PLCXD3: variants seen among roughly 807,000 people sequenced by gnomAD.
PLCXD3 encodes PI-PLC X domain-containing protein 3.
In PLCXD3, 19 loss-of-function variants were observed where a neutral mutation model predicts 25.5. That is an observed-to-expected ratio of 0.75 (90% CI 0.52 to 1.09). PLCXD3 has a LOEUF of 1.09. PLCXD3 is among the 50% of genes least tolerant of loss of function. The pLI, the probability that PLCXD3 is intolerant of heterozygous loss-of-function variation, is 0.00. For synonymous variants in PLCXD3, 174 were observed against 137.6 expected (o/e 1.26, Z -1.85); for missense variants, 411 against 388.1 (o/e 1.06, Z -0.50).
At chr5:41,348,349 C>A (rs952661812) in intron 2 of PLCXD3, among the ~76,000 whole-genome samples, 7 of 152,052 alleles carry the variant, frequency 4.6e-5, no homozygotes, top group African/African-American at 1.7e-4. Context: ...GCTGAGAATT[C>A]TTGTCAGAAA....
At chr5:41,372,853 G>T (rs1745144935) in intron 2 of PLCXD3, among the ~76,000 whole-genome samples, 1 of 151,924 alleles carries the variant, frequency 6.6e-6, no homozygotes, top group Admixed American at 6.6e-5. Flanking sequence ...AGACCAGCCT[G>T]GCTAACATGG....
At position 41,474,713 on chromosome 5, in the gene PLCXD3, G is replaced by T. The variant is rs142824339; in HGVS notation, c.103+35711C>A. On this transcript the variant is annotated intron_variant, in intron 1 of 2. Coordinates refer to ENST00000377801, the MANE Select transcript of PLCXD3 (RefSeq NM_001005473.3). Reference sequence around the variant, plus strand: ...TATTTTCCCAGTTCAAAAACCCAAAGATCTTGTGACATTACCACTACTACC... The same window carrying T: ...TATTTTCCCAGTTCAAAAACCCAAATATCTTGTGACATTACCACTACTACC... Among the ~76,000 whole-genome samples, 251 of 152,256 alleles carry T rather than the reference G, an allele frequency of 1.6e-3. 2 individuals carry two copies. The highest frequency in any genetic ancestry group is 2.7e-3 in the Non-Finnish European group (182 of 68,024).
intron 2 of PLCXD3, among the ~76,000 whole-genome samples, chr5:41,343,398 C>T (rs1156673437): frequency 6.6e-6 from 1 of 151,958 alleles, no homozygotes; most frequent in East Asian, 1.9e-4. Flanking sequence ...AATCCAAAGG[C>T]AAAGAAATCA....
intron 1 of PLCXD3, among the ~76,000 whole-genome samples, chr5:41,385,957 C>T (rs1430409979): frequency 5.3e-5 from 8 of 152,026 alleles, no homozygotes; most frequent in Admixed American, 2.0e-4. Context: ...TGAGAGAGAC[C>T]GAAGCAGGGA....
At chr5:41,404,325 A>C (rs1361051842) in intron 1 of PLCXD3, among the ~76,000 whole-genome samples, 1 of 152,170 alleles carries the variant, frequency 6.6e-6, no homozygotes, top group African/African-American at 2.4e-5. Flanking sequence ...TGAAAGTCCT[A>C]TAAAAGTACT....
At chr5:41,489,236 C>A (rs1287718688) in intron 1 of PLCXD3, among the ~76,000 whole-genome samples, 1 of 152,180 alleles carries the variant, frequency 6.6e-6, no homozygotes, top group South Asian at 2.1e-4. Context: ...GATCAGATAG[C>A]TGTAGATAAG....
intron 1 of PLCXD3, among the ~76,000 whole-genome samples, chr5:41,421,697 T>A (rs892738556): frequency 2.0e-5 from 3 of 152,114 alleles, no homozygotes; most frequent in African/African-American, 7.2e-5. Flanking sequence ...CGAGACTCCT[T>A]CTCAAAAAAA....
chr5:41,503,061 A>G (rs1054557532), intron 1 of PLCXD3, among the ~76,000 whole-genome samples: 4 of 152,124 alleles, frequency 2.6e-5, no homozygotes, highest in African/African-American at 7.2e-5. Flanking sequence ...AGCTATGGTT[A>G]TCTTCCTCCT....
chr5:41,504,523 T>C (rs1178896241), intron 1 of PLCXD3, among the ~76,000 whole-genome samples: 1 of 152,200 alleles, frequency 6.6e-6, no homozygotes, highest in African/African-American at 2.4e-5. Context: ...ATAGGAGATG[T>C]TGGCATCAGC....
intron 1 of PLCXD3, among the ~76,000 whole-genome samples, chr5:41,477,574 A>G (rs998178229): frequency 3.3e-5 from 5 of 152,134 alleles, no homozygotes; most frequent in African/African-American, 1.2e-4. Context: ...ACTGGTACCC[A>G]GGATCAAGAT....
rs1390715719 is a variant in PLCXD3 at position 41,312,593 on chromosome 5, TCCTTCCTTCCTC to T, written c.*1012_*1023del. On this transcript the variant is annotated 3_prime_UTR_variant, in exon 3 of 3. Coordinates refer to ENST00000377801, the MANE Select transcript of PLCXD3 (RefSeq NM_001005473.3). Reference sequence around the variant, plus strand: ...TTCCTCCCTCCCTCCCTCTCTTCCTTCCTTCCTTCCTCCCTTCCTTCCTTCCTCCCGTCCTTC... The same window carrying T: ...TTCCTCCCTCCCTCCCTCTCTTCCTTCCTTCCTTCCTTCCTCCCGTCCTTC... 1 of 98,316 alleles carries T rather than the reference TCCTTCCTTCCTC, an allele frequency of 1.0e-5. No individual in the cohort carries two copies. The highest frequency in any genetic ancestry group is 3.9e-5 in the African/African-American group (1 of 25,568). 6.1% of individuals were successfully genotyped at this position (98,316 alleles called of 1,614,324 possible). A position where few individuals can be genotyped will look rare whatever the true frequency, so the allele number is the denominator to read the frequency against.
intron 2 of PLCXD3, among the ~76,000 whole-genome samples, chr5:41,365,160 T>C (rs1025848335): frequency 6.6e-6 from 1 of 152,190 alleles, no homozygotes; most frequent in Non-Finnish European, 1.5e-5. Flanking sequence ...TGTGGAAATG[T>C]TTTCAAATCC....
intron 1 of PLCXD3, among the ~76,000 whole-genome samples, chr5:41,504,949 G>C (rs750963371): frequency 2.0e-5 from 3 of 152,148 alleles, no homozygotes; most frequent in Non-Finnish European, 4.4e-5. Flanking sequence ...GTAAAGTGTA[G>C]AGAACACTAT....
At chr5:41,489,262 G>A (rs543204862) in intron 1 of PLCXD3, among the ~76,000 whole-genome samples, 19 of 152,012 alleles carry the variant, frequency 1.2e-4, no homozygotes, top group Middle Eastern at 3.2e-3. Flanking sequence ...TTATTTCTGA[G>A]GGCTCTGTTC....
chr5:41,446,939 G>A (rs1747517865), intron 1 of PLCXD3, among the ~76,000 whole-genome samples: 1 of 152,170 alleles, frequency 6.6e-6, no homozygotes, highest in East Asian at 1.9e-4. Context: ...ACTGAACCTA[G>A]CTGGGGCTAC....
At chr5:41,466,606 C>T (rs1195316018) in intron 1 of PLCXD3, among the ~76,000 whole-genome samples, 2 of 151,988 alleles carry the variant, frequency 1.3e-5, no homozygotes, top group South Asian at 2.1e-4. Context: ...TTATTGTCTA[C>T]AGTAACTCTG....
At chr5:41,476,909 T>C (rs1412239233) in intron 1 of PLCXD3, among the ~76,000 whole-genome samples, 6 of 152,228 alleles carry the variant, frequency 3.9e-5, no homozygotes, top group African/African-American at 1.2e-4. Flanking sequence ...TGGAGAGACA[T>C]GGTGCTTAAC....
intron 1 of PLCXD3, among the ~76,000 whole-genome samples, chr5:41,387,384 G>C (rs964995563): frequency 1.1e-4 from 17 of 152,084 alleles, no homozygotes; most frequent in African/African-American, 3.9e-4. Context: ...GAGAAAATTT[G>C]TATTGTTTAA....
chr5:41,378,237 T>C (rs1193647278), intron 2 of PLCXD3, among the ~76,000 whole-genome samples: 1 of 152,100 alleles, frequency 6.6e-6, no homozygotes, highest in Non-Finnish European at 1.5e-5. Context: ...GGCTGGAGTA[T>C]GTCCAATAAC....
Sources: gnomAD v4.1 joint callset for allele counts (sites outside exome capture counted in the v4.1 genomes callset) on GRCh38, gnomAD v4.1.1 for gene constraint, MANE v1.5 for transcripts, NCBI Gene and HGNC (gene_info 2026-07-23, HGNC 2026-07-21) for gene names.